The following PPP2R2B variants were observed in gnomAD, a reference collection of about 807,000 sequenced individuals.
The protein encoded by PPP2R2B is protein phosphatase 2 regulatory subunit Bbeta.
In PPP2R2B, 5 loss-of-function variants were observed where a neutral mutation model predicts 46.0. The ratio of observed to expected loss-of-function variants is 0.11; its 90% CI spans 0.06 to 0.23. The LOEUF (loss-of-function observed/expected upper bound fraction) is 0.23. Among genes scored for constraint, PPP2R2B ranks in the 10% least tolerant of loss-of-function variants. PPP2R2B has a pLI of 1.00. For missense variants in PPP2R2B, 367 were observed against 575.0 expected (o/e 0.64, Z 3.70); for synonymous variants, 215 against 206.7 (o/e 1.04, Z -0.34).
chr5:147,054,523 TA>T, intron 1 of PPP2R2B: 2 of 433,464 alleles, frequency 4.6e-6, no homozygotes, highest in Non-Finnish European at 9.3e-6. Context: ...CTATGAAAAA[TA>T]CCACCCTCAG....
At chr5:146,773,307 T>C (rs1176876773) in intron 2 of PPP2R2B, among the ~76,000 whole-genome samples, 2 of 152,214 alleles carry the variant, frequency 1.3e-5, no homozygotes, top group Non-Finnish European at 2.9e-5. Context: ...GATTAATATG[T>C]CTGATATAAT....
chr5:146,878,810 G>A (rs1762063597), upstream of PPP2R2B: 2 of 1,274,640 alleles, frequency 1.6e-6, no homozygotes, highest in Admixed American at 2.5e-5. This position sits in a 1 kb window ranked among gnomAD's most constrained non-coding sequence, Gnocchi z 4.5. Flanking sequence ...TCCCAACCGC[G>A]TCAGCAGCCC....
In PPP2R2B at chr5:146,691,090, C is replaced by T. The variant is rs1530417; in HGVS notation, c.447+38G>A. 0.019 allele frequency: 30,000 copies of T among 1,580,648 alleles called. 1,997 individuals carry two copies. In the East Asian group the frequency reaches 0.24, roughly 13 times the overall value. ...ACATGGCCAACCTTAGGAGACCTGC[C>T]CCTGACTGTGGTGGCCAGGGCAGCT... On this transcript the variant is annotated intron_variant, in intron 5 of 9. Transcript: ENST00000394411.
intron 6 of PPP2R2B, among the ~76,000 whole-genome samples, chr5:146,648,358 T>C (rs1775721366): frequency 6.6e-6 from 1 of 152,190 alleles, no homozygotes; most frequent in Non-Finnish European, 1.5e-5. Context: ...GAAAATAATC[T>C]TTTATTTGTT....
At chr5:146,748,754 C>A (rs186449003) in intron 2 of PPP2R2B, among the ~76,000 whole-genome samples, 5 of 152,204 alleles carry the variant, frequency 3.3e-5, no homozygotes, top group East Asian at 3.9e-4. Flanking sequence ...TATGGACGTA[C>A]CACAGTTTGA....
At chr5:147,011,022 GA>G (rs1207274885) in intron 1 of PPP2R2B, among the ~76,000 whole-genome samples, 1 of 152,102 alleles carries the variant, frequency 6.6e-6, no homozygotes, top group African/African-American at 2.4e-5. Context: ...GTCACTGAGG[GA>G]AAAAGCCAAA....
intron 3 of PPP2R2B, among the ~76,000 whole-genome samples, chr5:146,700,824 A>T (rs934120026): frequency 6.6e-6 from 1 of 152,216 alleles, no homozygotes; most frequent in South Asian, 2.1e-4. Context: ...CAGGTGTAAC[A>T]TCCAGGCGTA....
chr5:146,821,800 A>G (rs1044166346), intron 2 of PPP2R2B, among the ~76,000 whole-genome samples: 1 of 152,116 alleles, frequency 6.6e-6, no homozygotes, highest in Non-Finnish European at 1.5e-5. Context: ...GCTTAATTAC[A>G]TGAATGGATT....
intron 2 of PPP2R2B, among the ~76,000 whole-genome samples, chr5:146,773,556 A>C (rs990813992): frequency 2.6e-5 from 4 of 152,330 alleles, no homozygotes; most frequent in African/African-American, 9.6e-5. Flanking sequence ...ATTATGGCCT[A>C]TCTACAAAAA....
At chr5:147,054,029 G>A (rs1283383534) in intron 1 of PPP2R2B, among the ~76,000 whole-genome samples, 2 of 152,208 alleles carry the variant, frequency 1.3e-5, no homozygotes, top group Non-Finnish European at 2.9e-5. Context: ...GAAATCTGGT[G>A]ATAGTGGGTG....
At chr5:146,952,351 C>T (rs897691862) in intron 1 of PPP2R2B, among the ~76,000 whole-genome samples, 1 of 152,066 alleles carries the variant, frequency 6.6e-6, no homozygotes, top group African/African-American at 2.4e-5. Flanking sequence ...CCTGCTGGGG[C>T]ACCTCTTTTC....
chr5:146,685,100 C>T (rs994070100), intron 5 of PPP2R2B, among the ~76,000 whole-genome samples: 1 of 152,190 alleles, frequency 6.6e-6, no homozygotes, highest in African/African-American at 2.4e-5. Context: ...GCATAGTAGA[C>T]ACTGAGATAC....
chr5:146,850,982 G>T (rs1475653859), intron 2 of PPP2R2B, among the ~76,000 whole-genome samples: 1 of 152,068 alleles, frequency 6.6e-6, no homozygotes, highest in Non-Finnish European at 1.5e-5. Context: ...TAATAAATTT[G>T]ATTGGTCACC....
intron 2 of PPP2R2B, among the ~76,000 whole-genome samples, chr5:146,808,969 G>A (rs1470458276): frequency 6.7e-6 from 1 of 148,670 alleles, no homozygotes; most frequent in Non-Finnish European, 1.5e-5. Flanking sequence ...GTGTGTGTGT[G>A]TGTGTGTGTG....
At chr5:146,656,836 T>C (rs1776364822) in intron 5 of PPP2R2B, 1 of 152,094 alleles carries the variant, frequency 6.6e-6, no homozygotes. Context: ...TACCTGTGAG[T>C]AGCTGCCTGA....
intron 2 of PPP2R2B, among the ~76,000 whole-genome samples, chr5:146,710,889 A>C (rs964269215): frequency 6.6e-5 from 10 of 152,286 alleles, no homozygotes; most frequent in African/African-American, 2.2e-4. Flanking sequence ...TTGGTCAGAA[A>C]TTTTGCTTTG....
chr5:146,959,806 TG>T (rs1010891024), intron 1 of PPP2R2B, among the ~76,000 whole-genome samples: 2 of 152,212 alleles, frequency 1.3e-5, no homozygotes, highest in South Asian at 2.1e-4. Context: ...TTTCCAGGTT[TG>T]GCTGGGGGAA....
chr5:147,012,718 G>T (rs1268040189), intron 1 of PPP2R2B, among the ~76,000 whole-genome samples: 2 of 151,618 alleles, frequency 1.3e-5, no homozygotes, highest in African/African-American at 4.9e-5. Context: ...TGGGCATTTA[G>T]TGCTATAAAT....
chr5:147,063,425 G>GCA (rs761069225), intron 2 of PPP2R2B, among the ~76,000 whole-genome samples: 28 of 152,306 alleles, frequency 1.8e-4, no homozygotes, highest in Non-Finnish European at 3.7e-4. Flanking sequence ...TTCAGTTGCT[G>GCA]TATTTGGGCT....
Sources: gnomAD v4.1 joint callset for allele counts (sites outside exome capture counted in the v4.1 genomes callset) on GRCh38, gnomAD v4.1.1 for gene constraint, Gnocchi (gnomAD v3.1) non-coding constraint, MANE v1.5 for transcripts, NCBI Gene and HGNC (gene_info 2026-07-23, HGNC 2026-07-21) for gene names.